Variants in SORCS3 observed in about 807,000 individuals in gnomAD.
The protein encoded by SORCS3 is sortilin related VPS10 domain containing receptor 3.
Under a neutral mutation model 146.3 loss-of-function variants are expected in SORCS3, and 57 were observed. The ratio of observed to expected loss-of-function variants is 0.39; its 90% CI spans 0.31 to 0.49. The LOEUF is 0.49. Ranked by LOEUF, SORCS3 falls within the 20% of genes least tolerant of loss-of-function variation. The pLI is 0.92. For missense variants in SORCS3, 1,341 were observed against 1,575.5 expected (o/e 0.85, Z 2.52); for synonymous variants, 653 against 618.5 (o/e 1.06, Z -0.83).
In SORCS3 at chr10:105,217,007, C is replaced by T. The variant is rs769839255; in HGVS notation, c.2619C>T (p.Ser873=). ...TTGCTGTGTCCTACGCAAACTTCAG[C>T]CCCATCGAGGACGGCATCAAGCACG... ...DGIAVSYANF[S]PIEDGIKHVY... The change falls in exon 19 of 27, where the codon AGC becomes AGT. Residue 873 remains serine (S), a synonymous_variant. Transcript: ENST00000369701. The T allele has an allele frequency of 9.3e-6, 15 of 1,614,198 alleles. No individual in the cohort carries two copies. Among genetic ancestry groups the T allele is most frequent in the Admixed American group, 1.7e-5 (1 of 60,028 alleles).
intron 16 of SORCS3, among the ~76,000 whole-genome samples, chr10:105,210,743 G>A (rs2119639368): frequency 6.6e-6 from 1 of 152,234 alleles, no homozygotes; most frequent in East Asian, 1.9e-4. Context: ...GTATATACTT[G>A]TTTCAGAGAG....
intron 4 of SORCS3, among the ~76,000 whole-genome samples, chr10:104,979,550 A>C (rs1220905490): frequency 6.8e-6 from 1 of 147,820 alleles, no homozygotes; most frequent in Non-Finnish European, 1.5e-5. Context: ...TGAATATGTG[A>C]TTGTGAATTT....
At chr10:105,178,970 T>A (rs1455917119) in intron 14 of SORCS3, among the ~76,000 whole-genome samples, 1 of 152,234 alleles carries the variant, frequency 6.6e-6, no homozygotes, top group Non-Finnish European at 1.5e-5. Flanking sequence ...TTCCTACGCT[T>A]AGGGACACTG....
At chr10:104,993,990 G>T (rs1377589081) in intron 4 of SORCS3, among the ~76,000 whole-genome samples, 1 of 152,070 alleles carries the variant, frequency 6.6e-6, no homozygotes, top group Non-Finnish European at 1.5e-5. Flanking sequence ...TGGTAAAAAG[G>T]AAAATGAAGA....
chr10:104,910,152 A>T (rs1267833140), intron 2 of SORCS3, among the ~76,000 whole-genome samples: 1 of 152,180 alleles, frequency 6.6e-6, no homozygotes, highest in Non-Finnish European at 1.5e-5. Context: ...GCCAGTCAGC[A>T]TCAGGTACCT....
rs139228244 is a variant in SORCS3 at position 104,727,472 on chromosome 10, T to A, written c.627+85518T>A. On this transcript the variant is annotated intron_variant, in intron 1 of 26. Coordinates refer to ENST00000369701, the MANE Select transcript of SORCS3 (RefSeq NM_014978.3). ...TCCAGTCATCATCTGCATATTTCCA[T>A]GTCTTTAAAAAAAACTTGGATCTTA... is the stretch of plus-strand genomic sequence containing the variant. Among the ~76,000 whole-genome samples, 3 of 152,132 alleles carry A rather than the reference T, an allele frequency of 2.0e-5. 1 individual carries two copies. Among genetic ancestry groups the A allele is most frequent in the African/African-American group, 7.2e-5 (3 of 41,520 alleles).
intron 2 of SORCS3, among the ~76,000 whole-genome samples, chr10:104,902,694 G>A (rs938283522): frequency 6.6e-6 from 1 of 152,218 alleles, no homozygotes; most frequent in Non-Finnish European, 1.5e-5. Context: ...GACAGTTGTA[G>A]GAAGGAATGA....
rs534523354 is a variant in SORCS3 at position 104,933,529 on chromosome 10, C to T, written c.795+17597C>T. ...AGTGGGGCCCAGCCTCCTCTAAGCA[C>T]AGGCCCACACAGAGAGGGATACTGT... On this transcript the variant is annotated intron_variant, in intron 3 of 26. Coordinates refer to ENST00000369701, the MANE Select transcript of SORCS3 (RefSeq NM_014978.3). Among the ~76,000 whole-genome samples, 8 of 152,210 alleles carry T rather than the reference C, an allele frequency of 5.3e-5. No homozygotes were observed. The South Asian group carries it at 1.7e-3, about 32-fold the overall frequency.
intron 7 of SORCS3, among the ~76,000 whole-genome samples, chr10:105,121,246 G>A (rs1002220054): frequency 4.6e-5 from 7 of 152,152 alleles, no homozygotes; most frequent in East Asian, 1.9e-4. Flanking sequence ...AGTGGAAAAC[G>A]GACCTTGCAA....
At chr10:104,831,578 C>T (rs146091697) in intron 1 of SORCS3, among the ~76,000 whole-genome samples, 5 of 152,278 alleles carry the variant, frequency 3.3e-5, no homozygotes, top group African/African-American at 9.6e-5. Flanking sequence ...TCATGACAGA[C>T]AGCAAGAGAA....
chr10:104,681,047 C>T (rs917741780), intron 1 of SORCS3, among the ~76,000 whole-genome samples: 16 of 152,246 alleles, frequency 1.1e-4, no homozygotes, highest in African/African-American at 3.9e-4. Flanking sequence ...GTTCCCCTCT[C>T]TCCCGGGAAG....
chr10:104,801,140 C>T (rs1378557418), intron 1 of SORCS3, among the ~76,000 whole-genome samples: 1 of 152,176 alleles, frequency 6.6e-6, no homozygotes, highest in South Asian at 2.1e-4. Flanking sequence ...CCCATTTCTG[C>T]CACTCATTGT....
At chr10:105,131,879 C>A (rs1407065104) in intron 7 of SORCS3, among the ~76,000 whole-genome samples, 2 of 152,252 alleles carry the variant, frequency 1.3e-5, no homozygotes, top group Admixed American at 6.5e-5. Flanking sequence ...CTAAACCATT[C>A]ATGAGACATC....
chr10:104,746,206 G>A (rs1226899189), intron 1 of SORCS3, among the ~76,000 whole-genome samples: 1 of 150,298 alleles, frequency 6.7e-6, no homozygotes, highest in Non-Finnish European at 1.5e-5. Context: ...GTGCGATCTC[G>A]GCTCACTGCA....
chr10:104,872,616 A>G (rs947037088), intron 2 of SORCS3, among the ~76,000 whole-genome samples: 19 of 143,898 alleles, frequency 1.3e-4, no homozygotes, highest in Admixed American at 1.2e-3. Context: ...TAGTTAGTCC[A>G]TGAGCCAACT....
intron 5 of SORCS3, among the ~76,000 whole-genome samples, chr10:105,060,492 C>A (rs1396252199): frequency 6.6e-6 from 1 of 152,072 alleles, no homozygotes; most frequent in Non-Finnish European, 1.5e-5. Flanking sequence ...CTTTAGGAAG[C>A]TCATTTTTAC....
In SORCS3 at chr10:105,135,342, T is replaced by A. The variant is rs117259430; in HGVS notation, c.1213-4055T>A. Reference sequence around the variant, plus strand: ...GAGCCTGGCTCCTCCCTTCAAATTGTTTTCCCCTCAAGGCCCTGGCACTCT... The same window carrying A: ...GAGCCTGGCTCCTCCCTTCAAATTGATTTCCCCTCAAGGCCCTGGCACTCT... On this transcript the variant is annotated intron_variant, in intron 7 of 26. Coordinates refer to ENST00000369701, the MANE Select transcript of SORCS3 (RefSeq NM_014978.3). Among the ~76,000 whole-genome samples the A allele has an allele frequency of 3.2e-4, 49 of 152,194 alleles. No individual in the cohort carries two copies. The East Asian group carries it at 8.7e-3, about 27-fold the overall frequency.
At chr10:104,925,763 G>A (rs1264916569) in intron 3 of SORCS3, among the ~76,000 whole-genome samples, 1 of 152,182 alleles carries the variant, frequency 6.6e-6, no homozygotes, top group African/African-American at 2.4e-5. Flanking sequence ...AATTGCTGTG[G>A]TCCACAGAGG....
intron 1 of SORCS3, among the ~76,000 whole-genome samples, chr10:104,741,134 ATTTTTTT>A (rs34447542): frequency 2.2e-3 from 226 of 104,898 alleles, no homozygotes; most frequent in African/African-American, 6.9e-3. Context: ...GATAATTTAA[ATTTTTTT>A]TTTTTTTTTT....
Sources: allele counts gnomAD v4.1 joint callset (sites outside exome capture counted in the v4.1 genomes callset), GRCh38; gene constraint gnomAD v4.1.1; transcripts MANE v1.5; gene names NCBI Gene and HGNC (gene_info 2026-07-23, HGNC 2026-07-21).